WIPI2: variants seen among roughly 807,000 people sequenced by gnomAD.
WIPI2 encodes WD repeat domain phosphoinositide-interacting protein 2.
In WIPI2, 28 loss-of-function variants were observed where a neutral mutation model predicts 52.3. The ratio of observed to expected loss-of-function variants is 0.54; its 90% CI spans 0.40 to 0.73. The LOEUF (loss-of-function observed/expected upper bound fraction) is 0.73, where lower values mean the gene tolerates loss of function less well. Ranked by LOEUF, WIPI2 falls within the 30% of genes least tolerant of loss-of-function variation. The pLI, the probability that WIPI2 is intolerant of heterozygous loss-of-function variation, is 0.00. For synonymous variants in WIPI2, 268 were observed against 245.0 expected (o/e 1.09, Z -0.88); for missense variants, 506 against 602.9 (o/e 0.84, Z 1.68).
intron 3 of WIPI2, among the ~76,000 whole-genome samples, chr7:5,204,876 G>T (rs1244386718): frequency 6.6e-6 from 1 of 152,132 alleles, no homozygotes; most frequent in East Asian, 1.9e-4. Context: ...GGGTCTCACT[G>T]TGTTGCCAAG....
rs780309358 is a variant in WIPI2 at position 5,214,718 on chromosome 7, C to T, written c.381+14C>T. On this transcript the variant is annotated intron_variant, in intron 4 of 12. Coordinates refer to ENST00000288828, the MANE Select transcript of WIPI2 (RefSeq NM_015610.4). ...CTCAACAGGCAGGTGAGCGCTGCCC[C>T]AGCTGGGTGTGGGCTTGTCTGTTGC... is the stretch of plus-strand genomic sequence containing the variant. 5 of 1,613,030 alleles carry T rather than the reference C, an allele frequency of 3.1e-6. No individual in the cohort carries two copies. Among genetic ancestry groups the T allele is most frequent in the Non-Finnish European group, 4.2e-6 (5 of 1,179,976 alleles).
intron 3 of WIPI2, among the ~76,000 whole-genome samples, chr7:5,204,979 T>C (rs1306263918): frequency 3.3e-5 from 5 of 152,054 alleles, no homozygotes; most frequent in Non-Finnish European, 7.4e-5. Flanking sequence ...CCCGGCCTAT[T>C]AGTCTTTTTT....
chr7:5,195,602 G>T (rs1781711029), intron 2 of WIPI2, among the ~76,000 whole-genome samples: 2 of 152,188 alleles, frequency 1.3e-5, no homozygotes, highest in Admixed American at 1.3e-4. Context: ...CTGTTGCTCT[G>T]CCTTTCCCAT....
At chr7:5,214,951 C>T (rs1446291118) in intron 4 of WIPI2, among the ~76,000 whole-genome samples, 2 of 152,228 alleles carry the variant, frequency 1.3e-5, no homozygotes, top group African/African-American at 2.4e-5. Context: ...CCCGGCCCCA[C>T]CCAGAGGGTG....
Position 5,216,666 on chromosome 7 carries a change from T to C in WIPI2, c.478+7T>C. 1 of 1,613,854 alleles carries C rather than the reference T, an allele frequency of 6.2e-7. No homozygotes were observed. The highest frequency in any genetic ancestry group is 8.5e-7 in the Non-Finnish European group (1 of 1,179,750). ...ACGCCTCCAAACCCTGCAGGTGAGC[T>C]AACTTGTGAGGAGAGAATCCCATTT... On this transcript the variant is annotated splice_region_variant and intron_variant, in intron 5 of 12. Transcript: ENST00000288828.
rs1783669870 is a variant in WIPI2 at position 5,230,293 on chromosome 7, G to T, written c.1253-542G>T. Among the ~76,000 whole-genome samples the T allele has an allele frequency of 6.6e-6, 1 of 152,196 alleles. No homozygotes were observed. The highest frequency in any genetic ancestry group is 1.5e-5 in the Non-Finnish European group (1 of 68,042). ...CCTGTGAAGTGCAGAAGCTGTAGGGGAATGAGGCCAATGGGCTCCCCTCCG... is the reference window on the plus strand; with the variant it reads ...CCTGTGAAGTGCAGAAGCTGTAGGGTAATGAGGCCAATGGGCTCCCCTCCG... On this transcript the variant is annotated intron_variant, in intron 12 of 12. Transcript: ENST00000288828. This position sits in a 1 kb window ranked among gnomAD's most constrained non-coding sequence, Gnocchi z 4.8.
intron 11 of WIPI2, 138 bp downstream of exon 11, chr7:5,228,349 C>T: frequency 6.2e-6 from 5 of 809,076 alleles, no homozygotes; most frequent in South Asian, 2.0e-5. Context: ...CCATGCCGCG[C>T]AGGTCGGGAG....
intron 2 of WIPI2, among the ~76,000 whole-genome samples, chr7:5,193,651 C>A (rs1781589216): frequency 6.6e-6 from 1 of 152,248 alleles, no homozygotes; most frequent in African/African-American, 2.4e-5. Flanking sequence ...TCATAGCTTA[C>A]TGCAACTTTG....
intron 3 of WIPI2, among the ~76,000 whole-genome samples, chr7:5,207,187 C>G (rs1381194818): frequency 3.3e-5 from 5 of 152,150 alleles, no homozygotes; most frequent in Non-Finnish European, 7.3e-5. Context: ...AATTTACTTA[C>G]AGTGGAATGC....
chr7:5,209,475 G>C (rs1166203789), intron 3 of WIPI2, among the ~76,000 whole-genome samples: 1 of 152,080 alleles, frequency 6.6e-6, no homozygotes, highest in Non-Finnish European at 1.5e-5. Flanking sequence ...CCTAATTCCA[G>C]GTTTCTTAGG....
At chr7:5,221,925 T>C (rs1783149667) in intron 7 of WIPI2, among the ~76,000 whole-genome samples, 1 of 151,430 alleles carries the variant, frequency 6.6e-6, no homozygotes, top group South Asian at 2.1e-4. Context: ...GTCTTGCCCG[T>C]GTACCACACA....
rs757754421 is a variant in WIPI2, at chr7:5,193,161, G to A, written c.118G>A (p.Ala40Thr). The change falls in exon 2 of 13, where the codon GCT becomes ACT. Residue 40 changes from alanine to threonine, a missense_variant. Coordinates refer to ENST00000288828, the MANE Select transcript of WIPI2 (RefSeq NM_015610.4). Reference protein sequence around the residue: ...ASRAAGLGRRAVVWSLAVGSK... With the variant: ...ASRAAGLGRRTVVWSLAVGSK... ...AAGAGCAGCTGGTCTTGGCCGTCGCGCTGTTGTCTGGTTAGTTCCAACCCT... is the reference window on the plus strand; with the variant it reads ...AAGAGCAGCTGGTCTTGGCCGTCGCACTGTTGTCTGGTTAGTTCCAACCCT... The A allele has an allele frequency of 1.4e-5, 23 of 1,613,588 alleles. No homozygotes were observed. The highest frequency in any genetic ancestry group is 4.5e-5 in the East Asian group (2 of 44,876).
intron 7 of WIPI2, among the ~76,000 whole-genome samples, chr7:5,220,870 T>A (rs1783087527): frequency 6.6e-6 from 1 of 152,006 alleles, no homozygotes; most frequent in South Asian, 2.1e-4. Context: ...CTCAGCTCAC[T>A]GCAGCCTCCA....
chr7:5,204,735 A>G (rs1387671514), intron 3 of WIPI2, among the ~76,000 whole-genome samples: 1 of 151,908 alleles, frequency 6.6e-6, no homozygotes, highest in African/African-American at 2.4e-5. Context: ...TCTGTCACTC[A>G]TGCAGTGGTG....
In WIPI2 at chr7:5,231,093, C is replaced by CGA. The variant is rs1554256470; in HGVS notation, c.*146_*147insGA. On this transcript the variant is annotated 3_prime_UTR_variant, in exon 13 of 13. Transcript: ENST00000288828. ...AAAAAAAAAAGATTGTAGTGGTAGT[C>CGA]TAACTCCATAACGCTGAGGAAATAC... 3.7e-6 allele frequency: 2 copies of CGA among 537,734 alleles called. No homozygotes were observed. The highest frequency in any genetic ancestry group is 6.6e-5 in the East Asian group (2 of 30,340). The allele number at this position is 537,734 out of a possible 1,614,324, so 33.3% of individuals were successfully genotyped here.
At chr7:5,226,033 C>A in intron 9 of WIPI2, 103 bp downstream of exon 9, 1 of 1,168,128 alleles carries the variant, frequency 8.6e-7, no homozygotes, top group South Asian at 1.4e-5. Context: ...CCTCTGACAT[C>A]GTTAGCCAGT....
At chr7:5,229,195 T>G (rs1434988170) in intron 11 of WIPI2, among the ~76,000 whole-genome samples, 1 of 152,160 alleles carries the variant, frequency 6.6e-6, no homozygotes, top group African/African-American at 2.4e-5. Context: ...TTTTGTATTT[T>G]TAGTAGAGAC....
intron 3 of WIPI2, among the ~76,000 whole-genome samples, chr7:5,206,947 T>C (rs1484270710): frequency 6.6e-6 from 1 of 152,092 alleles, no homozygotes; most frequent in Non-Finnish European, 1.5e-5. Context: ...TCAGCTAATT[T>C]TTCGATTTTT....
At chr7:5,216,898 T>C in intron 5 of WIPI2, 192 bp from the exon 6 acceptor site, 1 of 710,850 alleles carries the variant, frequency 1.4e-6, no homozygotes. Context: ...GCCTTTAATC[T>C]CTTGACAATA....
Sources: allele counts gnomAD v4.1 joint callset (sites outside exome capture counted in the v4.1 genomes callset), GRCh38; gene constraint gnomAD v4.1.1; non-coding constraint Gnocchi (gnomAD v3.1); transcripts MANE v1.5; gene names NCBI Gene and HGNC (gene_info 2026-07-23, HGNC 2026-07-21).